The following PARPBP variants were observed in gnomAD, a reference collection of about 807,000 sequenced individuals.
The protein encoded by PARPBP is PCNA-interacting partner.
Under a neutral mutation model 50.0 loss-of-function variants are expected in PARPBP, and 52 were observed. The observed-to-expected ratio is 1.04, with a 90% CI of 0.83 to 1.31. PARPBP has a LOEUF of 1.31. Among genes scored for constraint, PARPBP ranks in the 50% most tolerant of loss-of-function variants. The probability of loss-of-function intolerance (pLI) is 0.00; values close to 1 mark genes in which losing one functional copy is unlikely to be tolerated. For synonymous variants in PARPBP, 244 were observed against 232.1 expected, an observed-to-expected ratio of 1.05 and a Z score of -0.47; for missense variants, 697 against 672.0, an observed-to-expected ratio of 1.04 and a Z score of -0.41.
chr12:102,126,609 A>G (rs1329834844), intron 2 of PARPBP, among the ~76,000 whole-genome samples: 1 of 152,092 alleles, frequency 6.6e-6, no homozygotes, highest in African/African-American at 2.4e-5. Context: ...CAACTTGGTG[A>G]AACCTTGTCT....
chr12:102,122,894 T>G (rs1007438951), intron 1 of PARPBP, among the ~76,000 whole-genome samples: 2 of 152,184 alleles, frequency 1.3e-5, no homozygotes, highest in Non-Finnish European at 2.9e-5. Flanking sequence ...CCAAGTTAGC[T>G]CCTAAATATT....
intron 6 of PARPBP, among the ~76,000 whole-genome samples, chr12:102,168,387 G>A (rs1888365297): frequency 2.0e-5 from 3 of 152,186 alleles, no homozygotes; most frequent in South Asian, 4.1e-4. Context: ...TTATAATAAG[G>A]AAGTATCTTC....
chr12:102,154,976 A>C, intron 4 of PARPBP: 1 of 318,702 alleles, frequency 3.1e-6, no homozygotes. Flanking sequence ...TAAACCAGAG[A>C]CTCCTTTCTA....
At chr12:102,123,630 T>G (rs1486827769) in intron 1 of PARPBP, among the ~76,000 whole-genome samples, 1 of 152,130 alleles carries the variant, frequency 6.6e-6, no homozygotes, top group African/African-American at 2.4e-5. Flanking sequence ...TGTTTTTGTG[T>G]GAATTTTCAG....
At chr12:102,184,227 A>G (rs919858070) in intron 9 of PARPBP, among the ~76,000 whole-genome samples, 13 of 151,884 alleles carry the variant, frequency 8.6e-5, no homozygotes, top group South Asian at 2.1e-4. Flanking sequence ...GTATATGTTT[A>G]TGGGATACAT....
At chr12:102,154,890 C>T (rs1383576469) in intron 4 of PARPBP, 1 of 449,224 alleles carries the variant, frequency 2.2e-6, no homozygotes, top group Non-Finnish European at 4.4e-6. Flanking sequence ...CATTTGCCAT[C>T]TATTGTTTCT....
intron 1 of PARPBP, among the ~76,000 whole-genome samples, chr12:102,122,304 ATAAT>A (rs1019535067): frequency 1.3e-5 from 2 of 152,230 alleles, no homozygotes; most frequent in African/African-American, 4.8e-5. Context: ...ATTTATGTAA[ATAAT>A]TAATCTCTAA....
intron 9 of PARPBP, among the ~76,000 whole-genome samples, chr12:102,194,980 A>G (rs941847188): frequency 6.6e-6 from 1 of 151,552 alleles, no homozygotes; most frequent in African/African-American, 2.4e-5. Flanking sequence ...TATTTTACTT[A>G]CAATAAGACG....
rs748708182 is a variant in PARPBP, at chr12:102,197,039, C to G, written c.*748C>G. 1 of 1,611,988 alleles carries G rather than the reference C, an allele frequency of 6.2e-7. No individual in the cohort carries two copies. On this transcript the variant is annotated 3_prime_UTR_variant, in exon 11 of 11. Transcript: ENST00000327680. ...TCTTCATCCCCAATTTCTCTCTTTT[C>G]TTGTGTTGATTCAGTATTCTGAACT...
In PARPBP at chr12:102,156,176, C is replaced by CTTTTTTTTTT. The variant is rs869213784; in HGVS notation, c.495+2219_495+2228dup. On this transcript the variant is annotated intron_variant, in intron 4 of 10. Coordinates refer to ENST00000327680, the MANE Select transcript of PARPBP (RefSeq NM_017915.5). Reference sequence around the variant, plus strand: ...CATATTTGGCTCAGAATTAACCTTCCTTTTTTTTTTTTTTTTTTTTTTTTT... The same window carrying CTTTTTTTTTT: ...CATATTTGGCTCAGAATTAACCTTCCTTTTTTTTTTTTTTTTTTTTTTTTTTTTTTTTTTT... Among the ~76,000 whole-genome samples the CTTTTTTTTTT allele has an allele frequency of 5.1e-4, 34 of 66,184 alleles. 8 individuals carry two copies. The highest frequency in any genetic ancestry group is 2.2e-3 in the African/African-American group (32 of 14,786). 43.4% of individuals were successfully genotyped at this position (66,184 alleles called of 152,430 possible).
chr12:102,197,480 A>T lies in PARPBP; in HGVS notation c.*1189A>T. ...TTCAGAGGATTTGTAAGAATCATTT[A>T]AATTTTCATTGAAATAAACGACAAG... On this transcript the variant is annotated 3_prime_UTR_variant, in exon 11 of 11. Transcript: ENST00000327680. The T allele has an allele frequency of 6.5e-7, 1 of 1,531,030 alleles. No individual in the cohort carries two copies. The highest frequency in any genetic ancestry group is 1.2e-5 in the South Asian group (1 of 81,618). 94.8% of individuals were successfully genotyped at this position (1,531,030 alleles called of 1,614,324 possible).
chr12:102,175,120 A>G (rs1047291898), intron 6 of PARPBP, among the ~76,000 whole-genome samples: 5 of 152,214 alleles, frequency 3.3e-5, no homozygotes, highest in African/African-American at 1.2e-4. Context: ...GTAAGAGTCT[A>G]GATATTCAAT....
chr12:102,144,545 T>C (rs977411632), intron 2 of PARPBP, among the ~76,000 whole-genome samples: 1 of 152,206 alleles, frequency 6.6e-6, no homozygotes, highest in South Asian at 2.1e-4. Flanking sequence ...AAAATGTTTT[T>C]ACAATCCCAG....
At chr12:102,139,755 C>G (rs546962940) in intron 2 of PARPBP, among the ~76,000 whole-genome samples, 1 of 152,266 alleles carries the variant, frequency 6.6e-6, no homozygotes, top group South Asian at 2.1e-4. Flanking sequence ...TGGTTTTTGT[C>G]TTTGGTTCTG....
At position 102,153,910 on chromosome 12, in the gene PARPBP, A is replaced by T. The variant is rs764306051; in HGVS notation, c.429A>T (p.Val143=). 1 of 1,611,262 alleles carries T rather than the reference A, an allele frequency of 6.2e-7. No individual in the cohort carries two copies. The highest frequency in any genetic ancestry group is 1.1e-5 in the South Asian group (1 of 91,026). ...TTCTGTCTGGCAAACAGTATGCAGTAGGTGATGAAACTGATCTTTCTATAC... is the reference window on the plus strand; with the variant it reads ...TTCTGTCTGGCAAACAGTATGCAGTTGGTGATGAAACTGATCTTTCTATAC... ...LDFLSGKQYA[V]GDETDLSIPT... Residue 143 remains valine, a synonymous_variant, in exon 4 of 11, where the codon GTA becomes GTT. Transcript: ENST00000327680.
chr12:102,164,261 G>A (rs1181439896), intron 4 of PARPBP, among the ~76,000 whole-genome samples, 177 bp from the exon 5 acceptor site: 1 of 152,044 alleles, frequency 6.6e-6, no homozygotes, highest in African/African-American at 2.4e-5. Flanking sequence ...CAAGAATTTG[G>A]GGAGAGATGG....
chr12:102,133,265 A>T (rs895343814), intron 2 of PARPBP, among the ~76,000 whole-genome samples: 1 of 152,162 alleles, frequency 6.6e-6, no homozygotes, highest in Admixed American at 6.5e-5. Flanking sequence ...ACTATTGAGT[A>T]TGATGTTAGC....
intron 3 of PARPBP, among the ~76,000 whole-genome samples, chr12:102,153,272 C>T (rs183024331): frequency 3.4e-4 from 52 of 152,324 alleles, no homozygotes; most frequent in African/African-American, 1.0e-3. Context: ...CTTTGAAAAC[C>T]CCCTAACCTA....
chr12:102,127,507 A>G (rs1280995285), intron 2 of PARPBP, among the ~76,000 whole-genome samples: 8 of 152,350 alleles, frequency 5.3e-5, no homozygotes, highest in Admixed American at 2.0e-4. Flanking sequence ...AGATTAAAAA[A>G]TGGTATTTCA....
Sources: gnomAD v4.1 joint callset for allele counts (sites outside exome capture counted in the v4.1 genomes callset) on GRCh38, gnomAD v4.1.1 for gene constraint, MANE v1.5 for transcripts, NCBI Gene and HGNC (gene_info 2026-07-23, HGNC 2026-07-21) for gene names.